The following ZNF345 variants were observed in gnomAD, a reference collection of about 807,000 sequenced individuals.
The protein encoded by ZNF345 is zinc finger protein HZF10.
For missense variants in ZNF345, 527 were observed against 589.9 expected, an observed-to-expected ratio of 0.89 and a Z score of 1.10; for synonymous variants, 166 against 187.9, an observed-to-expected ratio of 0.88 and a Z score of 0.95.
Position 36,878,221 on chromosome 19 carries a change from G to A in ZNF345, c.1391G>A (p.Gly464Glu). 1 of 1,612,728 alleles carries A rather than the reference G, an allele frequency of 6.2e-7. No homozygotes were observed. Among genetic ancestry groups the A allele is most frequent in the Non-Finnish European group, 8.5e-7 (1 of 1,179,560 alleles). Residue 464 changes from glycine (G) to glutamate (E), a missense_variant, in exon 3 of 3, where the codon GGG becomes GAG. Coordinates refer to ENST00000420450, the MANE Select transcript of ZNF345 (RefSeq NM_001242472.2). ...TGTAAGAACTGTGGGAAGGCTTATG[G>A]GAGGGATTCAGAGTTTCAGCAACAT... ...YECKNCGKAY[G>E]RDSEFQQHKK...
downstream of ZNF345, among the ~76,000 whole-genome samples, chr19:36,882,253 C>T (rs983490808): frequency 6.6e-6 from 1 of 151,816 alleles, no homozygotes; most frequent in African/African-American, 2.4e-5. Context: ...TTGAATATTG[C>T]TGTATCTGGG....
chr19:36,859,798 C>A (rs2072505478), intron 2 of ZNF345, among the ~76,000 whole-genome samples: 1 of 152,040 alleles, frequency 6.6e-6, no homozygotes, highest in African/African-American at 2.4e-5. Context: ...CACTCAGATT[C>A]ACCAGTTGTT....
At chr19:36,854,605 T>A (rs1419947263) in intron 2 of ZNF345, 4 of 152,150 alleles carry the variant, frequency 2.6e-5, no homozygotes, top group African/African-American at 9.7e-5. Context: ...GTAAGGTTCT[T>A]TATATACGGT....
intron 3 of ZNF345, chr19:36,892,447 T>G: frequency 1.3e-6 from 2 of 1,595,474 alleles, no homozygotes; most frequent in Non-Finnish European, 1.7e-6. Context: ...AGATAATATT[T>G]TGGTCTCACA....
chr19:36,890,071 T>C (rs377706539), intron 3 of ZNF345: 1 of 152,222 alleles, frequency 6.6e-6, no homozygotes, highest in South Asian at 2.1e-4. Context: ...TGTATCTGTT[T>C]TGAGAGTTCC....
In ZNF345 at chr19:36,878,163, CAG is replaced by C. The variant is rs1267846812; in HGVS notation, c.1337_1338del (p.Arg446AsnfsTer5). On this transcript the variant is annotated frameshift_variant, in exon 3 of 3. Coordinates refer to ENST00000420450, the MANE Select transcript of ZNF345 (RefSeq NM_001242472.2). LOFTEE classifies it low-confidence loss of function (END_TRUNC). ...TAGTGGCTCAAGCCTTACTCAGCAT[CAG>C]AGAATTCATACAGGTGAGAAACTTT... Reference protein sequence around the residue: ...FYSGSSLTQHQRIHTGEKLYE... With the variant: ...FYSGSSLTQHXRIHTGEKLYE... 2 of 1,614,130 alleles carry C rather than the reference CAG, an allele frequency of 1.2e-6. No individual in the cohort carries two copies. The highest frequency in any genetic ancestry group is 4.5e-5 in the East Asian group (2 of 44,870).
intron 3 of ZNF345, among the ~76,000 whole-genome samples, chr19:36,886,060 T>C (rs981345401): frequency 1.3e-5 from 2 of 152,104 alleles, no homozygotes; most frequent in African/African-American, 2.4e-5. Context: ...CCAAGAAAAT[T>C]TGAGCAACAA....
Position 36,877,835 on chromosome 19 carries a change from G to T in ZNF345, c.1005G>T (p.Met335Ile). The T allele has an allele frequency of 6.2e-7, 1 of 1,611,008 alleles. No homozygotes were observed. The highest frequency in any genetic ancestry group is 2.2e-5 in the East Asian group (1 of 44,616). ...CAAAACTTATTCAGCATCAAAGAAT[G>T]CATACTGGAGAGAAACCTTATGAAT... ...SGSKLIQHQR[M>I]HTGEKPYECK... Residue 335 changes from methionine (M) to isoleucine (I), a missense_variant, in exon 3 of 3, where the codon ATG becomes ATT. Transcript: ENST00000420450.
intron 2 of ZNF345, among the ~76,000 whole-genome samples, chr19:36,852,762 A>C (rs2072312679): frequency 6.6e-6 from 1 of 152,112 alleles, no homozygotes; most frequent in South Asian, 2.1e-4. Context: ...AAACTCTTAA[A>C]TTTTTGCCAA....
At chr19:36,865,192 G>A (rs1378536936) in intron 2 of ZNF345, among the ~76,000 whole-genome samples, 1 of 152,114 alleles carries the variant, frequency 6.6e-6, no homozygotes, top group East Asian at 1.9e-4. Flanking sequence ...AGAAAGGAAC[G>A]CCCCTTCCTC....
chr19:36,855,587 G>C (rs2072399451), intron 2 of ZNF345, among the ~76,000 whole-genome samples: 1 of 151,546 alleles, frequency 6.6e-6, no homozygotes, highest in Non-Finnish European at 1.5e-5. Flanking sequence ...CGAGTAGCTG[G>C]GATTACAGGC....
At chr19:36,891,854 G>C in intron 3 of ZNF345, 1 of 1,614,078 alleles carries the variant, frequency 6.2e-7, no homozygotes, top group Non-Finnish European at 8.5e-7. Context: ...CTCTGATGCT[G>C]AATAAGCCTT....
chr19:36,890,670 G>C (rs917212525), intron 3 of ZNF345: 4 of 138,028 alleles, frequency 2.9e-5, no homozygotes, highest in Non-Finnish European at 4.6e-5. Context: ...GTGAAACCCC[G>C]TCGCTACTAA....
At chr19:36,875,842 C>T (rs972352546) in intron 2 of ZNF345, among the ~76,000 whole-genome samples, 26 of 152,140 alleles carry the variant, frequency 1.7e-4, no homozygotes, top group Admixed American at 7.2e-4. Context: ...TAAATCCATT[C>T]CCTTTCCTAG....
At chr19:36,892,074 G>T (rs562533250) in intron 3 of ZNF345, 1 of 1,613,984 alleles carries the variant, frequency 6.2e-7, no homozygotes, top group South Asian at 1.1e-5. Context: ...TACATTCATA[G>T]GGTTTCTCAC....
In ZNF345 at chr19:36,859,092, TAA is replaced by T. The variant is rs11306503; in HGVS notation, c.-47+7202_-47+7203del. Among the ~76,000 whole-genome samples the T allele has an allele frequency of 1.3e-3, 183 of 142,778 alleles. 2 individuals carry two copies. Among genetic ancestry groups the T allele is most frequent in the African/African-American group, 4.2e-3 (163 of 39,008 alleles). 93.7% of individuals were successfully genotyped at this position (142,778 alleles called of 152,430 possible). A position where few individuals can be genotyped will look rare whatever the true frequency, so the allele number is the denominator to read the frequency against. The stretch of plus-strand genomic sequence containing the variant: ...CACGTTTAATCAGCAGTCTTCTTTT[TAA>T]AAAAAAAAAAAAACTTTCAAAAGCT... On this transcript the variant is annotated intron_variant, in intron 2 of 2. Coordinates refer to ENST00000420450, the MANE Select transcript of ZNF345 (RefSeq NM_001242472.2).
At chr19:36,863,953 C>T (rs1244362664) in intron 2 of ZNF345, among the ~76,000 whole-genome samples, 1 of 152,210 alleles carries the variant, frequency 6.6e-6, no homozygotes, top group Non-Finnish European at 1.5e-5. Flanking sequence ...TGGCATGGAA[C>T]TCTGCACTGC....
At position 36,878,214 on chromosome 19, in the gene ZNF345, G is replaced by C; in HGVS notation, c.1384G>C (p.Ala462Pro). The change falls in exon 3 of 3, where the codon GCT (alanine) becomes CCT (proline). Residue 462 changes from alanine (A) to proline (P), a missense_variant. By Grantham distance (27) the Ala-to-Pro change is conservative (BLOSUM62 -1). Transcript: ENST00000420450. The stretch of plus-strand genomic sequence containing the variant: ...TTATGAATGTAAGAACTGTGGGAAG[G>C]CTTATGGGAGGGATTCAGAGTTTCA... ...KLYECKNCGK[A>P]YGRDSEFQQH... The C allele has an allele frequency of 1.9e-6, 3 of 1,613,178 alleles. No homozygotes were observed. Among genetic ancestry groups the C allele is most frequent in the African/African-American group, 2.7e-5 (2 of 74,996 alleles).
At chr19:36,886,323 A>G (rs529356860) in intron 3 of ZNF345, among the ~76,000 whole-genome samples, 68 of 152,300 alleles carry the variant, frequency 4.5e-4, no homozygotes, top group Non-Finnish European at 8.4e-4. Context: ...CTAAATTTAC[A>G]CTGGAGAAAC....
Sources: allele counts gnomAD v4.1 joint callset (sites outside exome capture counted in the v4.1 genomes callset), GRCh38; gene constraint gnomAD v4.1.1; transcripts MANE v1.5; gene names NCBI Gene and HGNC (gene_info 2026-07-23, HGNC 2026-07-21).